Variants in CYP4F12 observed in about 807,000 individuals in gnomAD.
CYP4F12 encodes cytochrome P450 family 4 subfamily F member 12, also known as cytochrome P450 4F12.
A neutral mutation model predicts 56.5 loss-of-function variants in CYP4F12; 60 were observed. That is an observed-to-expected ratio of 1.06 (90% CI 0.86 to 1.32). The LOEUF (loss-of-function observed/expected upper bound fraction) is 1.32. Among genes scored for constraint, CYP4F12 ranks in the 40% most tolerant of loss-of-function variants. CYP4F12 has a pLI of 0.00. For synonymous variants in CYP4F12, 263 were observed against 264.9 expected (o/e 0.99, Z 0.07); for missense variants, 711 against 683.5 (o/e 1.04, Z -0.45).
At chr19:15,689,759 T>C (rs2007789385) in intron 9 of CYP4F12, among the ~76,000 whole-genome samples, 1 of 152,376 alleles carries the variant, frequency 6.6e-6, no homozygotes, top group African/African-American at 2.4e-5. Flanking sequence ...CACAATGGAA[T>C]ACTACTCAGT....
At chr19:15,678,676 T>C in intron 3 of CYP4F12, 1 of 407,762 alleles carries the variant, frequency 2.5e-6, no homozygotes, top group Non-Finnish European at 4.5e-6. Flanking sequence ...GGGTCAGGAA[T>C]GGGCAAGAGA....
At chr19:15,682,590 A>T (rs1176338996) in intron 6 of CYP4F12, 80 bp downstream of exon 6, 9 of 1,582,964 alleles carry the variant, frequency 5.7e-6, no homozygotes, top group Non-Finnish European at 6.0e-6. Context: ...GAGCAAAGTA[A>T]CCAGAAGTAC....
chr19:15,673,141 A>C lies in CYP4F12; in HGVS notation c.-2+6A>C. 1 of 452,320 alleles carries C rather than the reference A, an allele frequency of 2.2e-6. No homozygotes were observed. Among genetic ancestry groups the C allele is most frequent in the Non-Finnish European group, 4.4e-6 (1 of 229,646 alleles). The allele number at this position is 452,320 out of a possible 1,614,324, so 28.0% of individuals were successfully genotyped here. A position where few individuals can be genotyped will look rare whatever the true frequency, so the allele number is the denominator to read the frequency against. ...CAAGCTGCTCCCGACAGAAGGTACC[A>C]GGCTGGGGGTGGCAGGGCTGGAAGG... On this transcript the variant is annotated splice_donor_region_variant and intron_variant, in intron 1 of 12. Transcript: ENST00000550308.
rs1568427821 is a variant in CYP4F12 at position 15,696,471 on chromosome 19, G to T, written c.1356G>T (p.Gly452=). The change falls in exon 12 of 13, where the codon GGG becomes GGT. Residue 452 remains glycine, a synonymous_variant. Transcript: ENST00000550308. The part of the protein sequence containing the change: ...PFRFDPENSK[G]RSPLAFIPFS... The stretch of plus-strand genomic sequence containing the variant: ...GCTTTGACCCAGAGAACAGCAAGGG[G>T]AGGTCACCTCTGGCTTTTATTCCTT... The T allele has an allele frequency of 6.2e-7, 1 of 1,614,170 alleles. No individual in the cohort carries two copies. Among genetic ancestry groups the T allele is most frequent in the Non-Finnish European group, 8.5e-7 (1 of 1,180,036 alleles).
At chr19:15,692,644 A>G (rs2007923624) in intron 9 of CYP4F12, among the ~76,000 whole-genome samples, 1 of 152,208 alleles carries the variant, frequency 6.6e-6, no homozygotes, top group Admixed American at 6.5e-5. Context: ...GTTCAGATTA[A>G]TCATTTTTTT....
In CYP4F12 at chr19:15,681,111, G is replaced by T. The variant is rs111709989; in HGVS notation, c.525+592G>T. ...AGACTGGGCTCCGAGAAACTGAGAGGAGGCTGCAATGTCTGTGGACATTGT... is the reference window on the plus strand; with the variant it reads ...AGACTGGGCTCCGAGAAACTGAGAGTAGGCTGCAATGTCTGTGGACATTGT... On this transcript the variant is annotated intron_variant, in intron 5 of 12. Transcript: ENST00000550308. The T allele has an allele frequency of 6.9e-3, 1,168 of 170,256 alleles. 9 individuals carry two copies. Among genetic ancestry groups the T allele is most frequent in the African/African-American group, 0.027 (1,110 of 41,792 alleles). The allele number at this position is 170,256 out of a possible 1,614,324, so 10.5% of individuals were successfully genotyped here. A position where few individuals can be genotyped will look rare whatever the true frequency, so the allele number is the denominator to read the frequency against.
At chr19:15,675,662 T>C (rs1234846390) in intron 2 of CYP4F12, among the ~76,000 whole-genome samples, 1 of 152,212 alleles carries the variant, frequency 6.6e-6, no homozygotes, top group Non-Finnish European at 1.5e-5. Context: ...TATTTACCCT[T>C]GGATCTTGGG....
At chr19:15,678,939 T>G (rs2144716293) in intron 3 of CYP4F12, among the ~76,000 whole-genome samples, 1 of 152,324 alleles carries the variant, frequency 6.6e-6, no homozygotes, top group East Asian at 1.9e-4. Flanking sequence ...TTATGTGACA[T>G]CCACCTATGA....
intron 2 of CYP4F12, among the ~76,000 whole-genome samples, chr19:15,674,605 C>T (rs62104454): frequency 5.3e-4 from 3 of 5,654 alleles, no homozygotes; most frequent in Admixed American, 2.3e-3. Context: ...TCACTCATTC[C>T]TCTACCCATT....
At chr19:15,694,404 C>T (rs1217758397) in intron 9 of CYP4F12, among the ~76,000 whole-genome samples, 10 of 152,266 alleles carry the variant, frequency 6.6e-5, no homozygotes, top group African/African-American at 1.2e-4. Context: ...AGGTCCTTCA[C>T]GTCCCTTGTA....
intron 6 of CYP4F12, among the ~76,000 whole-genome samples, chr19:15,683,281 A>G (rs1436602233): frequency 6.6e-6 from 1 of 152,216 alleles, no homozygotes; most frequent in African/African-American, 2.4e-5. Flanking sequence ...GCCTAGGTGC[A>G]TGGAGACAGC....
intron 5 of CYP4F12, 173 bp from the exon 6 acceptor site, chr19:15,682,216 C>G: frequency 1.3e-6 from 1 of 780,688 alleles, no homozygotes; most frequent in South Asian, 1.8e-5. Context: ...GGGTCTTCAT[C>G]TCCTATACTA....
Position 15,680,422 on chromosome 19 carries a change from A to G in CYP4F12, c.428A>G (p.Lys143Arg). Reference sequence around the variant, plus strand: ...GGGATACTGCTGAGTGGCGGTGACAAGTGGAGCCGCCACCGTCGGATGCTG... The same window carrying G: ...GGGATACTGCTGAGTGGCGGTGACAGGTGGAGCCGCCACCGTCGGATGCTG... ...GEGILLSGGDKWSRHRRMLTP... is the reference protein window; with the variant it reads ...GEGILLSGGDRWSRHRRMLTP... The change falls in exon 5 of 13, where the codon AAG becomes AGG. Residue 143 changes from lysine to arginine, a missense_variant. By Grantham distance (26) the Lys-to-Arg change is conservative. Transcript: ENST00000550308. 1.2e-6 allele frequency: 2 copies of G among 1,613,892 alleles called. No individual in the cohort carries two copies. Among genetic ancestry groups the G allele is most frequent in the Non-Finnish European group, 1.7e-6 (2 of 1,179,934 alleles).
At chr19:15,679,584 G>C (rs2007170944) in intron 3 of CYP4F12, among the ~76,000 whole-genome samples, 1 of 152,122 alleles carries the variant, frequency 6.6e-6, no homozygotes, top group South Asian at 2.1e-4. Flanking sequence ...AGGACACTTG[G>C]GGCATGTCAG....
At chr19:15,684,224 T>A (rs1004375206) in intron 7 of CYP4F12, 1 of 156,386 alleles carries the variant, frequency 6.4e-6, no homozygotes, top group Non-Finnish European at 1.4e-5. Flanking sequence ...GCCCCCACAT[T>A]ATGAGTATTA....
At chr19:15,675,280 G>A (rs1197112221) in intron 2 of CYP4F12, among the ~76,000 whole-genome samples, 13 of 134,886 alleles carry the variant, frequency 9.6e-5, no homozygotes, top group African/African-American at 3.4e-4. Context: ...CAAAAGGCAG[G>A]ATTGATCGGT....
At chr19:15,680,919 T>A (rs12972804) in intron 5 of CYP4F12, 170,753 of 316,888 alleles carry the variant, frequency 0.54, 46,961 homozygotes, top group East Asian at 0.71. Context: ...TCTTGGCACA[T>A]GAGCAGCTGT....
intron 3 of CYP4F12, 188 bp downstream of exon 3, chr19:15,678,593 T>G: frequency 1.3e-6 from 1 of 747,280 alleles, no homozygotes; most frequent in Non-Finnish European, 2.1e-6. Flanking sequence ...GAGGCCTCAA[T>G]TCAGGGCCCT....
Position 15,683,685 on chromosome 19 carries a change from T to C in CYP4F12, c.840T>C (p.Thr280=). The C allele has an allele frequency of 6.2e-7, 1 of 1,612,316 alleles. No homozygotes were observed. The highest frequency in any genetic ancestry group is 8.5e-7 in the Non-Finnish European group (1 of 1,179,292). ...GGGAGCGGCGTCGCACCCTCCCCAC[T>C]CAGGGTATTGATGATTTTTTCAAAG... ...VIRERRRTLP[T]QGIDDFFKDK... Residue 280 remains threonine (T), a synonymous_variant, in exon 7 of 13, where the codon ACT becomes ACC. Transcript: ENST00000550308.
Sources: gnomAD v4.1 joint callset for allele counts (sites outside exome capture counted in the v4.1 genomes callset) on GRCh38, gnomAD v4.1.1 for gene constraint, MANE v1.5 for transcripts, NCBI Gene and HGNC (gene_info 2026-07-23, HGNC 2026-07-21) for gene names.